LAS1L: variants seen among roughly 807,000 people sequenced by gnomAD.
LAS1L encodes LAS1 like ribosome biogenesis factor.
In LAS1L, 5 loss-of-function variants were observed where a neutral mutation model predicts 57.3. The observed-to-expected ratio is 0.09, with a 90% confidence interval of 0.05 to 0.18. The LOEUF (loss-of-function observed/expected upper bound fraction) is 0.18. Ranked by LOEUF, LAS1L falls within the 10% of genes least tolerant of loss-of-function variation. The pLI, the probability that LAS1L is intolerant of heterozygous loss-of-function variation, is 1.00. For missense variants in LAS1L, 360 were observed against 568.3 expected (o/e 0.63, Z 3.73); for synonymous variants, 245 against 231.7 (o/e 1.06, Z -0.52).
At chrX:65,527,591 C>T (rs1016630821) in intron 7 of LAS1L, among the ~76,000 whole-genome samples, 17 of 108,568 alleles carry the variant, frequency 1.6e-4, no homozygotes, top group Non-Finnish European at 7.6e-5. Flanking sequence ...CCAGCACTTT[C>T]GGAGGTCCAG....
chrX:65,517,876 G>C, intron 12 of LAS1L, 111 bp downstream of exon 12: 1 of 1,086,457 alleles, frequency 9.2e-7, no homozygotes, highest in East Asian at 3.3e-5. Context: ...TTCCAGGCTT[G>C]CCTCACATTG....
At position 65,524,287 on chromosome X, in the gene LAS1L, G is replaced by T. The variant is rs758840845; in HGVS notation, c.1094-25C>A. ...TCTGGTTTGTAAGGGACACCCATTT[G>T]GGGGGGCAATAGGAGAGAGAGAGCA... On this transcript the variant is annotated intron_variant, in intron 9 of 13. Coordinates refer to ENST00000374811, the MANE Select transcript of LAS1L (RefSeq NM_031206.7). 7.1e-6 allele frequency: 8 copies of T among 1,126,648 alleles called. No individual in the cohort carries two copies. In the East Asian group the frequency reaches 9.1e-5, roughly 13 times the overall value. 92.8% of individuals were successfully genotyped at this position (1,126,648 alleles called of 1,213,427 possible).
intron 13 of LAS1L, 105 bp downstream of exon 13, chrX:65,514,718 C>G (rs923846117): frequency 1.2e-6 from 1 of 822,059 alleles, no homozygotes; most frequent in African/African-American, 2.1e-5. Flanking sequence ...CATTTAGGCC[C>G]TGACTGGGGA....
At chrX:65,532,729 G>A (rs1408999894) in intron 2 of LAS1L, 99 bp from the exon 3 acceptor site, 19 of 576,149 alleles carry the variant, frequency 3.3e-5, no homozygotes, top group Non-Finnish European at 5.6e-5. Context: ...CTTTTCCACC[G>A]ACTGTCCTGT....
Position 65,534,516 on chromosome X carries a change from C to T in LAS1L, c.200G>A (p.Arg67Gln). The T allele has an allele frequency of 8.3e-7, 1 of 1,208,354 alleles. No individual in the cohort carries two copies. The highest frequency in any genetic ancestry group is 1.1e-6 in the Non-Finnish European group (1 of 893,735). The change falls in exon 1 of 14, where the codon CGG (arginine) becomes CAG (glutamine). Residue 67 changes from arginine to glutamine, a missense_variant. By Grantham distance (43) the Arg-to-Gln change is conservative (BLOSUM62 1). Coordinates refer to ENST00000374811, the MANE Select transcript of LAS1L (RefSeq NM_031206.7). ...CACCGTGATGCGGTTAAGCGCGTAC[C>T]GCTGCAACTTATGGTCGTCACAGAA... Reference protein sequence around the residue: ...YLFCDDHKLQRYALNRITVWR... With the variant: ...YLFCDDHKLQQYALNRITVWR...
intron 12 of LAS1L, among the ~76,000 whole-genome samples, chrX:65,517,261 T>C (rs2068673781): frequency 9.4e-6 from 1 of 106,908 alleles, no homozygotes; most frequent in South Asian, 4.2e-4. Flanking sequence ...TTTTTTTTTT[T>C]TTTTGAGACG....
At chrX:65,525,766 AAAG>A (rs2069109364) in intron 7 of LAS1L, among the ~76,000 whole-genome samples, 1 of 108,079 alleles carries the variant, frequency 9.3e-6, no homozygotes, top group South Asian at 3.9e-4. Flanking sequence ...AAAAAAAAAA[AAAG>A]AAAGAAATTG....
chrX:65,524,195 C>T lies in LAS1L; in HGVS notation c.1161G>A (p.Arg387=), dbSNP rs755816378. Residue 387 remains arginine (R), a synonymous_variant, in exon 10 of 14, where the codon AGG becomes AGA. Transcript: ENST00000374811. ...PFSQFWQPLL[R]GLHSQNFTQA... Reference sequence around the variant, plus strand: ...GCGTGAAGTTCTGGGAGTGCAGGCCCCTGAGCAGGGGCTGCCAGAACTGAG... The same window carrying T: ...GCGTGAAGTTCTGGGAGTGCAGGCCTCTGAGCAGGGGCTGCCAGAACTGAG... 1 of 1,211,065 alleles carries T rather than the reference C, an allele frequency of 8.3e-7. No individual in the cohort carries two copies. The highest frequency in any genetic ancestry group is 1.1e-6 in the Non-Finnish European group (1 of 894,982).
intron 10 of LAS1L, 148 bp from the exon 11 acceptor site, chrX:65,523,855 C>T: frequency 3.8e-6 from 3 of 790,004 alleles, no homozygotes; most frequent in Non-Finnish European, 5.4e-6. Flanking sequence ...GGGCACTTTG[C>T]CCCAGCCCAG....
Position 65,523,596 on chromosome X carries a change from C to T in LAS1L, c.1412G>A (p.Gly471Asp). The T allele has an allele frequency of 3.3e-6, 4 of 1,201,574 alleles. No individual in the cohort carries two copies. Among genetic ancestry groups the T allele is most frequent in the Non-Finnish European group, 4.5e-6 (4 of 890,451 alleles). ...DWPRMVESCL[G>D]SPCWASPQLL... ...TTGGGGGCTGGCCCAGCAAGGTGAG[C>T]CCAAGCAGGACTCAACCATCCGGGG... The change falls in exon 11 of 14, where the codon GGC (glycine) becomes GAC (aspartate). Residue 471 changes from glycine (G) to aspartate (D), a missense_variant. Gly to Asp is a moderately conservative substitution (Grantham distance 94). This residue lies in a region of LAS1L where 81 missense variants were observed against 192.1 expected (regional missense o/e 0.42). Transcript: ENST00000374811.
At position 65,528,336 on chromosome X, in the gene LAS1L, T is replaced by A; in HGVS notation, c.880A>T (p.Ile294Phe). ...LEKFRYLPKA[I>F]KAWNNPSPRV... ...GGGGACGGGTTATTCCACGCCTTAATGGCCTTAGGTAAATACCTAAATTTC... is the reference window on the plus strand; with the variant it reads ...GGGGACGGGTTATTCCACGCCTTAAAGGCCTTAGGTAAATACCTAAATTTC... The change falls in exon 7 of 14, where the codon ATT becomes TTT. Residue 294 changes from isoleucine to phenylalanine, a missense_variant. Physicochemically the swap from Ile to Phe is conservative, Grantham distance 21. Around this residue, in one of 7 missense-constraint regions of LAS1L, gnomAD observed 81 missense variants for 192.1 expected, o/e 0.42. Coordinates refer to ENST00000374811, the MANE Select transcript of LAS1L (RefSeq NM_031206.7). The A allele has an allele frequency of 8.4e-7, 1 of 1,189,898 alleles. No homozygotes were observed. The highest frequency in any genetic ancestry group is 1.1e-6 in the Non-Finnish European group (1 of 881,731).
Position 65,521,163 on chromosome X carries a change from G to A in LAS1L, c.1448+2397C>T. Reference sequence around the variant, plus strand: ...TTACAAATACCTCTGTGTCCCAAATGCCATCAGGGTTAAAGAAAGACTTTT... The same window carrying A: ...TTACAAATACCTCTGTGTCCCAAATACCATCAGGGTTAAAGAAAGACTTTT... On this transcript the variant is annotated intron_variant, in intron 11 of 13. Coordinates refer to ENST00000374811, the MANE Select transcript of LAS1L (RefSeq NM_031206.7). The A allele has an allele frequency of 5.3e-6, 4 of 754,160 alleles. No homozygotes were observed. The South Asian group carries it at 2.7e-4, about 51-fold the overall frequency. The allele number at this position is 754,160 out of a possible 1,213,427, so 62.2% of individuals were successfully genotyped here.
intron 1 of LAS1L, 66 bp downstream of exon 1, chrX:65,534,414 A>T (rs1264727105): frequency 7.2e-6 from 6 of 838,508 alleles, no homozygotes; most frequent in Non-Finnish European, 9.6e-6. Context: ...CCTTATAGAA[A>T]CTCGACAAAG....
chrX:65,515,963 C>T (rs980252755), intron 12 of LAS1L, among the ~76,000 whole-genome samples: 19 of 111,873 alleles, frequency 1.7e-4, no homozygotes, highest in African/African-American at 9.8e-5. Context: ...ATCACTGAGA[C>T]GCCTACCACA....
At position 65,532,482 on chromosome X, in the gene LAS1L, T is replaced by C. The variant is rs1602657507; in HGVS notation, c.432+79A>G. ...GTGATGGGATGAGCTAGTCTGACTG[T>C]GTGCCCACAATACCCCATGCCCCAT... On this transcript the variant is annotated intron_variant, in intron 3 of 13. Coordinates refer to ENST00000374811, the MANE Select transcript of LAS1L (RefSeq NM_031206.7). 8 of 718,307 alleles carry C rather than the reference T, an allele frequency of 1.1e-5. 1 individual carries two copies. The South Asian group carries it at 1.8e-4, about 16-fold the overall frequency. 59.2% of individuals were successfully genotyped at this position (718,307 alleles called of 1,213,427 possible).
At position 65,524,161 on chromosome X, in the gene LAS1L, A is replaced by G. The variant is rs1177923829; in HGVS notation, c.1195T>C (p.Leu399=). The G allele has an allele frequency of 1.7e-6, 2 of 1,210,544 alleles. No individual in the cohort carries two copies. The highest frequency in any genetic ancestry group is 2.2e-6 in the Non-Finnish European group (2 of 894,645). ...LHSQNFTQAL[L]ERMLSELPAL... The stretch of plus-strand genomic sequence containing the variant: ...GGCAGTTCAGAGAGCATCCTCTCCA[A>G]TAGGGCCTGCGTGAAGTTCTGGGAG... Residue 399 remains leucine, a synonymous_variant, in exon 10 of 14, where the codon TTG becomes CTG. Transcript: ENST00000374811.
chrX:65,525,290 T>C (rs2069069100), intron 7 of LAS1L, among the ~76,000 whole-genome samples: 1 of 111,765 alleles, frequency 8.9e-6, no homozygotes, highest in Admixed American at 9.5e-5. Flanking sequence ...AACAAGTGCT[T>C]ACCAAGCACT....
At chrX:65,516,584 C>A (rs753332296) in intron 12 of LAS1L, among the ~76,000 whole-genome samples, 1 of 107,563 alleles carries the variant, frequency 9.3e-6, no homozygotes, top group Non-Finnish European at 1.9e-5. Context: ...CAAAGCTGTA[C>A]GACAGCCTGC....
chrX:65,517,844 G>C (rs1406287907), intron 12 of LAS1L, 143 bp downstream of exon 12: 1 of 1,033,397 alleles, frequency 9.7e-7, no homozygotes, highest in Admixed American at 4.0e-5. Flanking sequence ...GAAGCCAGCT[G>C]TCATCTATGC....
Sources: gnomAD v4.1 joint callset for allele counts (sites outside exome capture counted in the v4.1 genomes callset) on GRCh38, gnomAD v4.1.1 for gene constraint, gnomAD v4.1.1 regional missense constraint, MANE v1.5 for transcripts, NCBI Gene and HGNC (gene_info 2026-07-23, HGNC 2026-07-21) for gene names.